The following SPAG16 variants were observed in gnomAD, a reference collection of about 807,000 sequenced individuals.
SPAG16 encodes sperm associated antigen 16.
A neutral mutation model predicts 80.4 loss-of-function variants in SPAG16; 86 were observed. The observed-to-expected ratio is 1.07, with a 90% CI of 0.90 to 1.28. SPAG16 has a LOEUF of 1.28. SPAG16 is among the 50% of genes most tolerant of loss of function. SPAG16 has a pLI of 0.00. For synonymous variants in SPAG16, 294 were observed against 265.9 expected (o/e 1.11, Z -1.03); for missense variants, 870 against 765.3 (o/e 1.14, Z -1.61).
At chr2:213,511,446 AG>A (rs1199705765) in intron 10 of SPAG16, among the ~76,000 whole-genome samples, 2 of 152,090 alleles carry the variant, frequency 1.3e-5, no homozygotes, top group African/African-American at 4.8e-5. Context: ...CATTTTTGTT[AG>A]GGGTAATTTT....
chr2:214,162,467 AG>A (rs2056478234), intron 15 of SPAG16, among the ~76,000 whole-genome samples: 1 of 152,066 alleles, frequency 6.6e-6, no homozygotes, highest in African/African-American at 2.4e-5. Context: ...ACCCTATTAC[AG>A]GGAAGAAGTA....
chr2:213,330,446 C>T (rs1221787316), intron 5 of SPAG16, among the ~76,000 whole-genome samples: 1 of 152,200 alleles, frequency 6.6e-6, no homozygotes, highest in Non-Finnish European at 1.5e-5. Context: ...TTTGACTACC[C>T]TGCTGGATTT....
intron 9 of SPAG16, among the ~76,000 whole-genome samples, chr2:213,428,689 C>G: frequency 6.6e-6 from 1 of 152,204 alleles, no homozygotes; most frequent in East Asian, 1.9e-4. Flanking sequence ...TCAAGTTATA[C>G]AGCTCAGTGT....
chr2:213,577,874 C>G (rs978405465), intron 10 of SPAG16, among the ~76,000 whole-genome samples: 2 of 152,128 alleles, frequency 1.3e-5, no homozygotes, highest in Non-Finnish European at 2.9e-5. Context: ...TCCTCTTGCT[C>G]TGTTCCTGGG....
At chr2:214,275,503 C>T (rs1317248601) in intron 15 of SPAG16, among the ~76,000 whole-genome samples, 2 of 152,192 alleles carry the variant, frequency 1.3e-5, no homozygotes, top group South Asian at 2.1e-4. Context: ...TCTTTGTTCT[C>T]ATTGGTTTCA....
intron 12 of SPAG16, among the ~76,000 whole-genome samples, chr2:213,950,698 CTTTCTTTTTTTT>C (rs1399601190): frequency 5.7e-5 from 3 of 52,408 alleles, no homozygotes; most frequent in Non-Finnish European, 7.6e-5. Flanking sequence ...TTTCTTTTTT[CTTTCTTTTTTTT>C]TTTTTTTTTT....
chr2:214,336,411 A>G (rs944542568), intron 15 of SPAG16, among the ~76,000 whole-genome samples: 20 of 152,208 alleles, frequency 1.3e-4, no homozygotes, highest in Non-Finnish European at 2.9e-4. Context: ...AACAAAGAAT[A>G]ATTCAATGAG....
intron 15 of SPAG16, among the ~76,000 whole-genome samples, chr2:214,366,733 C>A (rs1421522944): frequency 1.3e-5 from 2 of 151,924 alleles, no homozygotes; most frequent in Non-Finnish European, 2.9e-5. Context: ...TGGAACACAG[C>A]AGGGAAAGGT....
rs1238019596 is a variant in SPAG16, at chr2:213,407,830, GAGAGAGAGAGACAGGAGAGAGGC to G, written c.942+32734_942+32756del. Among the ~76,000 whole-genome samples, 15 of 99,218 alleles carry G rather than the reference GAGAGAGAGAGACAGGAGAGAGGC, an allele frequency of 1.5e-4. No individual in the cohort carries two copies. The South Asian group carries it at 4.0e-3, about 27-fold the overall frequency. 65.1% of individuals were successfully genotyped at this position (99,218 alleles called of 152,430 possible). On this transcript the variant is annotated intron_variant, in intron 9 of 15. Transcript: ENST00000331683. ...CAGAGAGAGAGAGAGGAGAGAGGCA[GAGAGAGAGAGACAGGAGAGAGGC>G]AGAGAGAGAGACAGGAGAGAGGAGA...
chr2:213,976,530 G>C (rs994193628), intron 12 of SPAG16, among the ~76,000 whole-genome samples: 7 of 151,968 alleles, frequency 4.6e-5, no homozygotes, highest in Admixed American at 3.9e-4. Context: ...CTATAAAATA[G>C]GGATATTAAC....
chr2:213,887,788 A>G (rs2106060544), intron 11 of SPAG16, among the ~76,000 whole-genome samples: 1 of 151,922 alleles, frequency 6.6e-6, no homozygotes, highest in African/African-American at 2.4e-5. Context: ...TCTAAGATCC[A>G]TTTTAGGAAA....
intron 13 of SPAG16, among the ~76,000 whole-genome samples, chr2:214,090,886 A>C (rs955218249): frequency 8.5e-5 from 13 of 152,102 alleles, no homozygotes; most frequent in Non-Finnish European, 1.8e-4. Flanking sequence ...AAGGCATTCT[A>C]TAAATATCTG....
Position 213,415,125 on chromosome 2 carries a change from C to G in SPAG16, c.942+40006C>G, listed in dbSNP as rs183358856. On this transcript the variant is annotated intron_variant, in intron 9 of 15. Coordinates refer to ENST00000331683, the MANE Select transcript of SPAG16 (RefSeq NM_024532.5). ...TGAGATTTGACTGGGAACACAGAGC[C>G]AAACCATATCAGGCAGCCAAGCTAA... Among the ~76,000 whole-genome samples the G allele has an allele frequency of 5.3e-5, 8 of 152,308 alleles. No homozygotes were observed. In the East Asian group the frequency reaches 1.5e-3, roughly 29 times the overall value.
intron 15 of SPAG16, among the ~76,000 whole-genome samples, chr2:214,317,903 T>G (rs986432477): frequency 2.6e-5 from 4 of 152,208 alleles, no homozygotes; most frequent in Non-Finnish European, 5.9e-5. Context: ...TTACCACAAT[T>G]TTTTTAGAGT....
chr2:213,723,595 T>C (rs1271263992), intron 10 of SPAG16, among the ~76,000 whole-genome samples: 5 of 151,830 alleles, frequency 3.3e-5, no homozygotes, highest in Admixed American at 2.0e-4. Context: ...AAAAAGAGAG[T>C]GGTTGGGGAC....
At chr2:213,676,979 TC>T (rs1271688279) in intron 10 of SPAG16, among the ~76,000 whole-genome samples, 1 of 151,758 alleles carries the variant, frequency 6.6e-6, no homozygotes, top group Non-Finnish European at 1.5e-5. Context: ...TCCTTGTACC[TC>T]TGGTAGAATT....
intron 5 of SPAG16, among the ~76,000 whole-genome samples, chr2:213,328,390 A>G (rs1357866242): frequency 6.6e-6 from 1 of 152,164 alleles, no homozygotes; most frequent in Non-Finnish European, 1.5e-5. Context: ...TCTTCTACAC[A>G]CAGCCTTTCT....
At chr2:213,887,681 A>G (rs2076614985) in intron 11 of SPAG16, among the ~76,000 whole-genome samples, 2 of 151,494 alleles carry the variant, frequency 1.3e-5, no homozygotes, top group South Asian at 4.1e-4. Context: ...AATATAGAGT[A>G]TGACTAATTT....
chr2:214,041,074 A>T (rs2048980082), intron 13 of SPAG16, among the ~76,000 whole-genome samples: 1 of 150,898 alleles, frequency 6.6e-6, no homozygotes, highest in South Asian at 2.1e-4. Flanking sequence ...TCTATTTTTT[A>T]AATGAACATT....
Sources: allele counts gnomAD v4.1 joint callset (sites outside exome capture counted in the v4.1 genomes callset), GRCh38; gene constraint gnomAD v4.1.1; transcripts MANE v1.5; gene names NCBI Gene and HGNC (gene_info 2026-07-23, HGNC 2026-07-21).